Variants in GRM7 observed in about 807,000 individuals in gnomAD.
GRM7 encodes the protein glutamate metabotropic receptor 7, also known as metabotropic glutamate receptor 7.
GRM7 carries 35 observed loss-of-function variants against 84.5 expected under a neutral mutation model. The ratio of observed to expected loss-of-function variants is 0.41; its 90% CI spans 0.32 to 0.55. GRM7 has a LOEUF of 0.55. Among genes scored for constraint, GRM7 ranks in the 20% least tolerant of loss-of-function variants. The pLI, the probability that GRM7 is intolerant of heterozygous loss-of-function variation, is 0.19. For synonymous variants in GRM7, 487 were observed against 455.1 expected (o/e 1.07, Z -0.89); for missense variants, 1,003 against 1,194.6 (o/e 0.84, Z 2.36).
chr3:7,130,782 T>C (rs1693569527), intron 1 of GRM7, among the ~76,000 whole-genome samples: 1 of 152,154 alleles, frequency 6.6e-6, no homozygotes, highest in African/African-American at 2.4e-5. Flanking sequence ...GGTGATGTGA[T>C]AGCAAAAGTC....
chr3:7,281,955 A>G (rs1206901267), intron 2 of GRM7, among the ~76,000 whole-genome samples: 1 of 152,092 alleles, frequency 6.6e-6, no homozygotes, highest in African/African-American at 2.4e-5. Context: ...TGGCAGCGTG[A>G]GGCTGTAGTC....
At chr3:7,433,119 A>T (rs1696898812) in intron 5 of GRM7, among the ~76,000 whole-genome samples, 2 of 152,208 alleles carry the variant, frequency 1.3e-5, no homozygotes, top group Admixed American at 1.3e-4. Context: ...ATGACTCTGA[A>T]GACAAAGAGA....
chr3:6,913,030 A>G (rs1319669407), intron 1 of GRM7, among the ~76,000 whole-genome samples: 1 of 152,198 alleles, frequency 6.6e-6, no homozygotes, highest in Non-Finnish European at 1.5e-5. Context: ...TTAGCAGTTC[A>G]AATCAAACAG....
At chr3:7,169,997 G>A (rs1217686842) in intron 2 of GRM7, among the ~76,000 whole-genome samples, 1 of 152,132 alleles carries the variant, frequency 6.6e-6, no homozygotes, top group Non-Finnish European at 1.5e-5. Context: ...AGACCCCTGG[G>A]CCTCATCCGT....
In GRM7 at chr3:7,043,424, A is replaced by C. The variant is rs191113327; in HGVS notation, c.520-103028A>C. Among the ~76,000 whole-genome samples, 9 of 152,204 alleles carry C rather than the reference A, an allele frequency of 5.9e-5. No homozygotes were observed. The East Asian group carries it at 1.5e-3, about 26-fold the overall frequency. ...GTGTCACAGCTTAGACACCCTTTCC[A>C]TGTAGCAAACTGGGGGCAACCATAA... On this transcript the variant is annotated intron_variant, in intron 1 of 9. Coordinates refer to ENST00000357716, the MANE Select transcript of GRM7 (RefSeq NM_000844.4).
chr3:7,207,865 C>T (rs945693153), intron 2 of GRM7, among the ~76,000 whole-genome samples: 2 of 152,170 alleles, frequency 1.3e-5, no homozygotes, highest in African/African-American at 4.8e-5. Context: ...GAAAATGGCA[C>T]ATTTTATCTT....
intron 1 of GRM7, among the ~76,000 whole-genome samples, chr3:7,138,198 C>A (rs1298269523): frequency 3.3e-5 from 5 of 151,908 alleles, no homozygotes; most frequent in Admixed American, 2.6e-4. Context: ...TAGCCCATAA[C>A]AGATAATATA....
intron 1 of GRM7, among the ~76,000 whole-genome samples, chr3:7,061,673 G>A (rs953824753): frequency 5.9e-5 from 9 of 151,774 alleles, no homozygotes; most frequent in Non-Finnish European, 5.9e-5. Flanking sequence ...CTTGACCTGG[G>A]TACCAGATAG....
Position 7,394,592 on chromosome 3 carries a change from C to T in GRM7, c.1034-20431C>T, listed in dbSNP as rs1031773820. On this transcript the variant is annotated intron_variant, in intron 4 of 9. Coordinates refer to ENST00000357716, the MANE Select transcript of GRM7 (RefSeq NM_000844.4). ...GTGATATAAAGATTTTTCCATATTT[C>T]ATCTTCTTTTTTCCTCCCCTTTTAA... Among the ~76,000 whole-genome samples, 13 of 152,006 alleles carry T rather than the reference C, an allele frequency of 8.6e-5. No homozygotes were observed. In the South Asian group the frequency reaches 1.7e-3, roughly 19 times the overall value.
chr3:7,365,922 A>T (rs977393554), intron 4 of GRM7, among the ~76,000 whole-genome samples: 2 of 151,252 alleles, frequency 1.3e-5, no homozygotes, highest in African/African-American at 4.8e-5. Context: ...TTTCCAAGAG[A>T]CTGGAAGTTT....
chr3:6,981,770 G>A (rs1160782668), intron 1 of GRM7, among the ~76,000 whole-genome samples: 1 of 151,936 alleles, frequency 6.6e-6, no homozygotes, highest in African/African-American at 2.4e-5. Context: ...AGTCAGAAGG[G>A]CTATTATTAG....
chr3:7,596,624 C>G (rs1414828850), intron 8 of GRM7, among the ~76,000 whole-genome samples: 11 of 152,070 alleles, frequency 7.2e-5, no homozygotes, highest in Non-Finnish European at 1.5e-4. Context: ...GGGAATGAAC[C>G]ATTGTTTTTC....
At chr3:6,869,995 C>A (rs74285809) in intron 1 of GRM7, among the ~76,000 whole-genome samples, 2 of 151,956 alleles carry the variant, frequency 1.3e-5, no homozygotes, top group Non-Finnish European at 2.9e-5. Context: ...TAAAAGCTCT[C>A]TCTCTCCTTC....
intron 3 of GRM7, among the ~76,000 whole-genome samples, chr3:7,302,931 ATTTTTT>A (rs761399796): frequency 3.0e-4 from 37 of 121,940 alleles, no homozygotes; most frequent in African/African-American, 1.1e-3. Context: ...TGATTGTTCT[ATTTTTT>A]TTTTTTTTTT....
chr3:6,921,107 A>T lies in GRM7; in HGVS notation c.519+59200A>T, dbSNP rs951666403. 2.3e-4 allele frequency among the ~76,000 whole-genome samples: 35 copies of T among 152,170 alleles called. 1 individual carries two copies. Among genetic ancestry groups the T allele is most frequent in the African/African-American group, 8.4e-4 (35 of 41,426 alleles). ...TTCGAGAAGTCTGTTCCTTCAGCAA[A>T]TGTATTAGTCCATGCTGCATCCCCA... On this transcript the variant is annotated intron_variant, in intron 1 of 9. Coordinates refer to ENST00000357716, the MANE Select transcript of GRM7 (RefSeq NM_000844.4).
intron 8 of GRM7, among the ~76,000 whole-genome samples, chr3:7,655,923 A>G (rs1699159670): frequency 6.6e-6 from 1 of 152,216 alleles, no homozygotes; most frequent in South Asian, 2.1e-4. Flanking sequence ...AGAAAGATCT[A>G]GGTCCTACCA....
chr3:7,496,001 G>T (rs1041543915), intron 7 of GRM7, among the ~76,000 whole-genome samples: 1 of 152,126 alleles, frequency 6.6e-6, no homozygotes, highest in East Asian at 1.9e-4. Context: ...ATATTTTTAT[G>T]GCCACCTTTT....
chr3:6,997,978 G>A (rs934233475), intron 1 of GRM7, among the ~76,000 whole-genome samples: 1 of 151,578 alleles, frequency 6.6e-6, no homozygotes, highest in Non-Finnish European at 1.5e-5. Context: ...AATTAGCTGG[G>A]TGTGGTGGCC....
chr3:7,411,974 T>C (rs1695957623), intron 4 of GRM7, among the ~76,000 whole-genome samples: 1 of 149,208 alleles, frequency 6.7e-6, no homozygotes, highest in South Asian at 2.2e-4. Context: ...TTCTCTCCCC[T>C]CCCCTCCCCT....
Sources: allele counts gnomAD v4.1 joint callset (sites outside exome capture counted in the v4.1 genomes callset), GRCh38; gene constraint gnomAD v4.1.1; transcripts MANE v1.5; gene names NCBI Gene and HGNC (gene_info 2026-07-23, HGNC 2026-07-21).